TTC6: variants seen among roughly 807,000 people sequenced by gnomAD.
TTC6 encodes tetratricopeptide repeat protein 6.
TTC6 carries 172 observed loss-of-function variants against 210.4 expected under a neutral mutation model. That is an observed-to-expected ratio of 0.82 (90% confidence interval 0.72 to 0.93). TTC6 has a LOEUF of 0.93. Ranked by LOEUF, TTC6 falls within the 40% of genes least tolerant of loss-of-function variation. The pLI, the probability that TTC6 is intolerant of heterozygous loss-of-function variation, is 0.00. For missense variants in TTC6, 2,414 were observed against 2,318.1 expected (o/e 1.04, Z -0.85); for synonymous variants, 804 against 819.6 (o/e 0.98, Z 0.32).
chr14:37,661,391 TA>T (rs1821643243), intron 1 of TTC6, among the ~76,000 whole-genome samples: 3 of 152,230 alleles, frequency 2.0e-5, no homozygotes, highest in Admixed American at 1.3e-4. Context: ...TGCAAATGGA[TA>T]GCCAGTTCTC....
intron 4 of TTC6, among the ~76,000 whole-genome samples, chr14:37,697,927 T>C (rs963958898): frequency 5.3e-5 from 8 of 152,178 alleles, no homozygotes; most frequent in Non-Finnish European, 1.5e-5. Context: ...TTTTCTTTTT[T>C]ATGTCTTAGT....
At chr14:37,815,842 G>A (rs1037677456) in intron 25 of TTC6, among the ~76,000 whole-genome samples, 1 of 152,006 alleles carries the variant, frequency 6.6e-6, no homozygotes, top group African/African-American at 2.4e-5. Context: ...CATCTTTTAT[G>A]TCTATTGTTG....
At chr14:37,800,572 A>G (rs550881486) in intron 20 of TTC6, among the ~76,000 whole-genome samples, 11 of 152,340 alleles carry the variant, frequency 7.2e-5, no homozygotes, top group South Asian at 6.2e-4. Context: ...CAGAGTATTC[A>G]GTCACACTAG....
chr14:37,806,769 A>G (rs1054462115), intron 22 of TTC6, among the ~76,000 whole-genome samples: 5 of 152,176 alleles, frequency 3.3e-5, no homozygotes, highest in African/African-American at 4.8e-5. Flanking sequence ...AATAATTTAA[A>G]GTTTATATAC....
At chr14:37,841,531 A>G (rs1458085497) in exon 30 of TTC6, 1 of 1,603,410 alleles carries the variant, frequency 6.2e-7, no homozygotes, top group Non-Finnish European at 8.5e-7. Context: ...ATACAATATT[A>G]AAGAAATATG....
At chr14:37,675,750 CTTT>C (rs11295651) in intron 1 of TTC6, among the ~76,000 whole-genome samples, 2 of 142,650 alleles carry the variant, frequency 1.4e-5, no homozygotes, top group Non-Finnish European at 1.5e-5. Context: ...TTCTTTCTTT[CTTT>C]TTTTTTTTTT....
chr14:37,640,005 G>T (rs548783401), intron 1 of TTC6, among the ~76,000 whole-genome samples: 11 of 151,012 alleles, frequency 7.3e-5, no homozygotes, highest in Non-Finnish European at 1.5e-4. Context: ...TATATATTAG[G>T]TCTTAAGGAA....
chr14:37,637,548 T>C (rs908755310), intron 1 of TTC6, among the ~76,000 whole-genome samples: 17 of 152,184 alleles, frequency 1.1e-4, no homozygotes, highest in African/African-American at 4.1e-4. Context: ...GGCAGGAGGA[T>C]CTCTCGAACC....
At chr14:37,641,647 C>T (rs943016327) in intron 1 of TTC6, among the ~76,000 whole-genome samples, 3 of 152,094 alleles carry the variant, frequency 2.0e-5, no homozygotes, top group South Asian at 2.1e-4. Flanking sequence ...GTAGGAAAAG[C>T]TTTAAATTTT....
chr14:37,692,705 A>G (rs1356986611), intron 3 of TTC6, among the ~76,000 whole-genome samples: 6 of 151,886 alleles, frequency 4.0e-5, no homozygotes, highest in Non-Finnish European at 7.4e-5. Flanking sequence ...CTAAAAATAC[A>G]AAAATTAGCC....
intron 2 of TTC6, among the ~76,000 whole-genome samples, chr14:37,681,759 C>T (rs903796895): frequency 6.6e-6 from 1 of 152,102 alleles, no homozygotes; most frequent in Non-Finnish European, 1.5e-5. Flanking sequence ...AGATTCCCTA[C>T]CTTTGAAAAT....
At chr14:37,811,985 C>T (rs2096130570) in intron 24 of TTC6, among the ~76,000 whole-genome samples, 1 of 152,138 alleles carries the variant, frequency 6.6e-6, no homozygotes, top group Non-Finnish European at 1.5e-5. Flanking sequence ...ATCACAGCAA[C>T]AGTCATTTGA....
At chr14:37,789,596 T>TTATATATATATATATATATA (rs1283814571) in intron 15 of TTC6, among the ~76,000 whole-genome samples, 75 of 134,464 alleles carry the variant, frequency 5.6e-4, no homozygotes, top group African/African-American at 1.7e-3. Flanking sequence ...TGGTTTCCTC[T>TTATATATATATATATATATA]TATATATATA....
chr14:37,603,400 A>G (rs2095619443), intron 1 of TTC6, among the ~76,000 whole-genome samples: 1 of 152,196 alleles, frequency 6.6e-6, no homozygotes, highest in Non-Finnish European at 1.5e-5. Flanking sequence ...GTGTGAACCT[A>G]AGAAGGAAAC....
intron 27 of TTC6, among the ~76,000 whole-genome samples, chr14:37,824,503 C>T (rs2096165731): frequency 6.6e-6 from 1 of 152,138 alleles, no homozygotes; most frequent in African/African-American, 2.4e-5. Flanking sequence ...ATTCAACAGA[C>T]ATTAACTGAG....
At chr14:37,769,158 G>A (rs2096009447) in intron 14 of TTC6, among the ~76,000 whole-genome samples, 1 of 151,606 alleles carries the variant, frequency 6.6e-6, no homozygotes. Flanking sequence ...AAGCCCACTT[G>A]ATCATGATGG....
intron 1 of TTC6, among the ~76,000 whole-genome samples, chr14:37,651,317 TTAAA>T (rs1371657340): frequency 6.9e-6 from 1 of 145,034 alleles, no homozygotes; most frequent in Non-Finnish European, 1.5e-5. Flanking sequence ...ATTTGAATAT[TTAAA>T]TAACCATAGT....
intron 5 of TTC6, among the ~76,000 whole-genome samples, chr14:37,706,331 T>A (rs1044141522): frequency 6.6e-6 from 1 of 152,082 alleles, no homozygotes; most frequent in East Asian, 1.9e-4. Context: ...CTTGGCTATC[T>A]TCCTGCTTCC....
intron 1 of TTC6, among the ~76,000 whole-genome samples, chr14:37,661,783 T>A (rs951889553): frequency 1.3e-5 from 2 of 152,206 alleles, no homozygotes; most frequent in East Asian, 3.9e-4. Context: ...TTTCACGATA[T>A]TGATTCTTCT....
Sources: allele counts gnomAD v4.1 joint callset (sites outside exome capture counted in the v4.1 genomes callset), GRCh38; gene constraint gnomAD v4.1.1; transcripts MANE v1.5; gene names NCBI Gene and HGNC (gene_info 2026-07-23, HGNC 2026-07-21).